Variants in GNAO1 observed in about 807,000 individuals in gnomAD.
GNAO1 encodes the protein guanine nucleotide-binding protein G(o) subunit alpha.
For synonymous variants in GNAO1, 164 were observed against 180.7 expected (o/e 0.91, Z 0.74); for missense variants, 166 against 478.7 (o/e 0.35, Z 6.10).
chr16:56,282,561 A>G (rs1056235383), intron 3 of GNAO1, among the ~76,000 whole-genome samples: 13 of 152,232 alleles, frequency 8.5e-5, no homozygotes, highest in African/African-American at 3.1e-4. Context: ...GCCAAACACC[A>G]ACACTGAAGT....
chr16:56,286,241 G>A (rs368749780), intron 3 of GNAO1, among the ~76,000 whole-genome samples: 5 of 152,274 alleles, frequency 3.3e-5, no homozygotes, highest in Admixed American at 1.3e-4. Context: ...ACTCAGCTCC[G>A]TTCCCTCTTC....
At position 56,277,776 on chromosome 16, in the gene GNAO1, TACACACACACACACACACACACACACAC is replaced by T. The variant is rs60891936; in HGVS notation, c.303+1743_303+1770del. Among the ~76,000 whole-genome samples the T allele has an allele frequency of 2.9e-3, 319 of 108,200 alleles. 2 individuals are homozygous for T. Among genetic ancestry groups the T allele is most frequent in the South Asian group, 0.012 (34 of 2,762 alleles). 71.0% of individuals were successfully genotyped at this position (108,200 alleles called of 152,430 possible). On this transcript the variant is annotated intron_variant, in intron 3 of 8. Transcript: ENST00000262493. Reference sequence around the variant, plus strand: ...GACACAGTACAAAAGGCACACCCCCTACACACACACACACACACACACACACACACACACACACACACACACACACACA... The same window carrying T: ...GACACAGTACAAAAGGCACACCCCCTACACACACACACACACACACACACA...
intron 2 of GNAO1, among the ~76,000 whole-genome samples, chr16:56,214,173 C>T (rs1405954093): frequency 2.0e-5 from 3 of 152,162 alleles, no homozygotes; most frequent in Admixed American, 2.0e-4. Context: ...GTTGGGCTGC[C>T]TTGCCTTGCT....
At chr16:56,236,701 A>G (rs2036640271) in intron 2 of GNAO1, among the ~76,000 whole-genome samples, 1 of 152,204 alleles carries the variant, frequency 6.6e-6, no homozygotes, top group Non-Finnish European at 1.5e-5. Flanking sequence ...CATTATAGTT[A>G]CACCAGCGCT....
intron 6 of GNAO1, chr16:56,345,370 A>C (rs1314402786): frequency 1.1e-5 from 11 of 984,980 alleles, no homozygotes; most frequent in African/African-American, 1.8e-5. Flanking sequence ...CCCTGCCCCC[A>C]CTCTGGACAC....
chr16:56,322,351 T>C (rs1459470603), intron 3 of GNAO1, among the ~76,000 whole-genome samples: 3 of 152,186 alleles, frequency 2.0e-5, no homozygotes, highest in African/African-American at 7.2e-5. Flanking sequence ...GATGGGGCCG[T>C]AGCAGAAAGA....
intron 2 of GNAO1, among the ~76,000 whole-genome samples, chr16:56,246,948 C>G (rs1374129961): frequency 1.3e-5 from 2 of 152,222 alleles, no homozygotes; most frequent in Admixed American, 6.5e-5. Context: ...TATATGACAT[C>G]AATAGAAGGT....
rs1456112984 is a variant in GNAO1 at position 56,192,748 on chromosome 16, A to ACC, written c.161+133_161+134insCC. 2.9e-5 allele frequency: 18 copies of ACC among 623,996 alleles called. No individual in the cohort carries two copies. In the Admixed American group the frequency reaches 3.3e-4, roughly 11 times the overall value. 38.7% of individuals were successfully genotyped at this position (623,996 alleles called of 1,614,324 possible). ...CGTGCACACACACACACACACACAC[A>ACC]CACCCCTATATTTGACTCCCCTCCC... On this transcript the variant is annotated intron_variant, in intron 2 of 8. Transcript: ENST00000262493.
At chr16:56,345,361 C>T in intron 6 of GNAO1, 1 of 985,598 alleles carries the variant, frequency 1.0e-6, no homozygotes, top group Non-Finnish European at 1.2e-6. Flanking sequence ...CTCTGTTCTC[C>T]CTGCCCCCAC....
chr16:56,246,501 G>A (rs574823445), intron 2 of GNAO1, among the ~76,000 whole-genome samples: 141 of 150,676 alleles, frequency 9.4e-4, no homozygotes, highest in African/African-American at 3.4e-3. Context: ...GATACTGGAC[G>A]ATCAAGTTCA....
chr16:56,248,722 C>G (rs1407547236), intron 2 of GNAO1, among the ~76,000 whole-genome samples: 1 of 152,182 alleles, frequency 6.6e-6, no homozygotes, highest in Admixed American at 6.5e-5. Flanking sequence ...GAAGAAACAG[C>G]AAGTGCAAAG....
intron 2 of GNAO1, among the ~76,000 whole-genome samples, chr16:56,202,847 C>G (rs772173293): frequency 3.9e-5 from 6 of 152,196 alleles, no homozygotes; most frequent in African/African-American, 7.2e-5. Context: ...TGTCTCACAC[C>G]TATTATGCAT....
intron 2 of GNAO1, among the ~76,000 whole-genome samples, chr16:56,269,423 C>G (rs1313531856): frequency 6.6e-6 from 1 of 152,166 alleles, no homozygotes; most frequent in African/African-American, 2.4e-5. Flanking sequence ...GCACGTTCTC[C>G]CCCGTCCCTC....
chr16:56,324,106 G>A (rs2143637315), intron 3 of GNAO1, among the ~76,000 whole-genome samples: 1 of 152,300 alleles, frequency 6.6e-6, no homozygotes, highest in Admixed American at 6.5e-5. Context: ...GCTATCTGCT[G>A]GAGAATCCCA....
chr16:56,348,216 T>C, intron 6 of GNAO1: 1 of 984,164 alleles, frequency 1.0e-6, no homozygotes, highest in Non-Finnish European at 1.2e-6. Context: ...GTGTGATGTG[T>C]TGTCAGGGCC....
At chr16:56,259,673 CT>C (rs1460192742) in intron 2 of GNAO1, among the ~76,000 whole-genome samples, 5 of 152,178 alleles carry the variant, frequency 3.3e-5, no homozygotes, top group Admixed American at 2.0e-4. Context: ...GCAGACAGTG[CT>C]GGGAGTGGTC....
intron 3 of GNAO1, among the ~76,000 whole-genome samples, chr16:56,277,731 T>G (rs1393033222): frequency 4.0e-5 from 6 of 151,080 alleles, no homozygotes; most frequent in Admixed American, 1.3e-4. Context: ...GCGTGATATC[T>G]GAATCTCAGC....
chr16:56,216,989 A>G (rs1189603366), intron 2 of GNAO1, among the ~76,000 whole-genome samples: 1 of 152,264 alleles, frequency 6.6e-6, no homozygotes, highest in Non-Finnish European at 1.5e-5. Flanking sequence ...GGGCTCAGCT[A>G]TGCAGCTAAT....
intron 3 of GNAO1, among the ~76,000 whole-genome samples, chr16:56,283,982 G>C (rs1220631540): frequency 1.3e-5 from 2 of 152,202 alleles, no homozygotes; most frequent in Non-Finnish European, 2.9e-5. Flanking sequence ...TCCAGGACTA[G>C]AGCATTCAGC....
Sources: allele counts gnomAD v4.1 joint callset (sites outside exome capture counted in the v4.1 genomes callset), GRCh38; gene constraint gnomAD v4.1.1; transcripts MANE v1.5; gene names NCBI Gene and HGNC (gene_info 2026-07-23, HGNC 2026-07-21).